OSBPL10: variants seen among roughly 807,000 people sequenced by gnomAD.
The protein encoded by OSBPL10 is oxysterol binding protein like 10.
Under a neutral mutation model 81.7 loss-of-function variants are expected in OSBPL10, and 49 were observed. The observed-to-expected ratio is 0.60, with a 90% CI of 0.48 to 0.76. OSBPL10 has a LOEUF of 0.76. Among genes scored for constraint, OSBPL10 ranks in the 30% least tolerant of loss-of-function variants. The probability of loss-of-function intolerance (pLI) is 0.00; values close to 1 mark genes in which losing one functional copy is unlikely to be tolerated. For synonymous variants in OSBPL10, 419 were observed against 383.6 expected (o/e 1.09, Z -1.08); for missense variants, 923 against 987.8 (o/e 0.93, Z 0.88).
intron 2 of OSBPL10, among the ~76,000 whole-genome samples, chr3:32,041,432 T>C (rs1431685204): frequency 6.6e-6 from 1 of 152,144 alleles, no homozygotes; most frequent in African/African-American, 2.4e-5. Context: ...GCCAGCAGCA[T>C]CAGACTACAG....
At chr3:31,671,081 A>G in intron 8 of OSBPL10, 98 bp from the exon 9 acceptor site, 1 of 1,150,906 alleles carries the variant, frequency 8.7e-7, no homozygotes, top group Non-Finnish European at 1.2e-6. Flanking sequence ...AGCCTCCTGC[A>G]CAGATGTCAC....
At chr3:31,918,009 T>A (rs533379129) in intron 1 of OSBPL10, among the ~76,000 whole-genome samples, 16 of 152,162 alleles carry the variant, frequency 1.1e-4, no homozygotes, top group African/African-American at 3.6e-4. Flanking sequence ...ATTTTTGACA[T>A]GAAAATTACT....
At chr3:31,683,457 T>C (rs1488857926) in intron 8 of OSBPL10, among the ~76,000 whole-genome samples, 177 bp downstream of exon 8, 1 of 152,032 alleles carries the variant, frequency 6.6e-6, no homozygotes, top group Non-Finnish European at 1.5e-5. Context: ...CGCTGGGAAA[T>C]TACCAGACCT....
chr3:31,711,404 T>G (rs994932040), intron 6 of OSBPL10, among the ~76,000 whole-genome samples: 1 of 152,228 alleles, frequency 6.6e-6, no homozygotes, highest in Non-Finnish European at 1.5e-5. Context: ...GCAGTGGCCA[T>G]GTGGTTGTCA....
At chr3:31,930,741 G>A (rs541547716) in intron 1 of OSBPL10, among the ~76,000 whole-genome samples, 1 of 152,214 alleles carries the variant, frequency 6.6e-6, no homozygotes, top group Admixed American at 6.5e-5. Flanking sequence ...TAGGCTGGGT[G>A]CGGTGGCTCA....
intron 4 of OSBPL10, among the ~76,000 whole-genome samples, chr3:31,757,245 C>A (rs558444072): frequency 6.6e-6 from 1 of 152,198 alleles, no homozygotes; most frequent in Non-Finnish European, 1.5e-5. Context: ...TAAAGGGAAT[C>A]AAGATAAATA....
intron 5 of OSBPL10, among the ~76,000 whole-genome samples, chr3:31,739,210 G>A (rs1697271464): frequency 6.6e-6 from 1 of 152,038 alleles, no homozygotes; most frequent in Admixed American, 6.6e-5. Flanking sequence ...CTACAGGCAT[G>A]CACCACTATA....
intron 4 of OSBPL10, chr3:31,794,846 G>T: frequency 2.7e-6 from 1 of 374,002 alleles, no homozygotes; most frequent in Non-Finnish European, 5.3e-6. Context: ...GGGGCATGTG[G>T]GAAAAAACTG....
intron 7 of OSBPL10, among the ~76,000 whole-genome samples, chr3:31,687,559 G>A (rs938280277): frequency 1.3e-5 from 2 of 152,184 alleles, no homozygotes; most frequent in African/African-American, 4.8e-5. Context: ...AGATGATTTA[G>A]TGCACTGCCC....
At chr3:31,803,297 G>A (rs532377051) in intron 4 of OSBPL10, among the ~76,000 whole-genome samples, 1 of 152,284 alleles carries the variant, frequency 6.6e-6, no homozygotes, top group East Asian at 1.9e-4. Context: ...GGTCTTCTAG[G>A]GAGGAACAGT....
At chr3:31,768,172 C>T (rs941370221) in intron 4 of OSBPL10, among the ~76,000 whole-genome samples, 7 of 152,122 alleles carry the variant, frequency 4.6e-5, no homozygotes, top group Admixed American at 3.3e-4. Flanking sequence ...TGTCATGGCG[C>T]TGGTGGGAGT....
chr3:31,734,137 G>T (rs566517691), intron 5 of OSBPL10, among the ~76,000 whole-genome samples: 206 of 152,314 alleles, frequency 1.4e-3, no homozygotes, highest in Middle Eastern at 6.8e-3. Context: ...TGCCTGCAAA[G>T]TGAGCACAGG....
chr3:31,812,722 G>GAAAGA (rs1699717726), intron 4 of OSBPL10, among the ~76,000 whole-genome samples: 3 of 77,396 alleles, frequency 3.9e-5, no homozygotes, highest in African/African-American at 1.8e-4. Context: ...CAAAAAAAAA[G>GAAAGA]AAAGAAAGAA....
At chr3:31,988,557 T>C (rs1377368225) in intron 2 of OSBPL10, 3 of 161,440 alleles carry the variant, frequency 1.9e-5, no homozygotes, top group Non-Finnish European at 2.7e-5. Context: ...GCAGAAGTCA[T>C]GGTATATCAT....
intron 1 of OSBPL10, among the ~76,000 whole-genome samples, chr3:31,971,122 G>GT (rs141324910): frequency 0.13 from 17,694 of 139,516 alleles, 1,294 homozygotes; most frequent in East Asian, 0.3. Flanking sequence ...TTTTTTTTCT[G>GT]TTTTTTTTTC....
At chr3:31,758,651 G>A (rs567272621) in intron 4 of OSBPL10, among the ~76,000 whole-genome samples, 39 of 152,304 alleles carry the variant, frequency 2.6e-4, no homozygotes, top group African/African-American at 8.9e-4. Flanking sequence ...GAGGGTCTTC[G>A]TGTCCTCTAC....
At position 32,033,617 on chromosome 3, in the gene OSBPL10, C is replaced by T. The variant is rs558300942; in HGVS notation, n.298+12874G>A. On this transcript the variant is annotated intron_variant and non_coding_transcript_variant, in intron 2 of 3. Coordinates refer to the OSBPL10 transcript ENST00000479173. ...TAAAAAAGAGACAGAGTTTCATTAA[C>T]GGTATTCATACACTCTATGATAGGT... is the stretch of plus-strand genomic sequence containing the variant. Among the ~76,000 whole-genome samples the T allele has an allele frequency of 9.2e-5, 14 of 152,282 alleles. No individual in the cohort carries two copies. The South Asian group carries it at 1.0e-3, about 11-fold the overall frequency.
intron 2 of OSBPL10, among the ~76,000 whole-genome samples, chr3:32,031,655 A>C (rs1699470529): frequency 6.6e-6 from 1 of 152,026 alleles, no homozygotes; most frequent in Non-Finnish European, 1.5e-5. Context: ...GAGTTCACTA[A>C]GTTGGCCAGG....
chr3:31,974,392 T>C (rs1698640965), intron 1 of OSBPL10, among the ~76,000 whole-genome samples: 1 of 152,178 alleles, frequency 6.6e-6, no homozygotes, highest in Non-Finnish European at 1.5e-5. Flanking sequence ...CTCCTAGGTG[T>C]ATATCCACAG....
Sources: gnomAD v4.1 joint callset for allele counts (sites outside exome capture counted in the v4.1 genomes callset) on GRCh38, gnomAD v4.1.1 for gene constraint, MANE v1.5 for transcripts, NCBI Gene and HGNC (gene_info 2026-07-23, HGNC 2026-07-21) for gene names.